The following PAN3 variants were observed in gnomAD, a reference collection of about 807,000 sequenced individuals.
PAN3 encodes the protein PAN2-PAN3 deadenylation complex subunit PAN3.
Under a neutral mutation model 96.2 loss-of-function variants are expected in PAN3, and 19 were observed. That is an observed-to-expected ratio of 0.20 (90% confidence interval 0.14 to 0.29). PAN3 has a LOEUF of 0.29. Among genes scored for constraint, PAN3 ranks in the 10% least tolerant of loss-of-function variants. PAN3 has a pLI of 1.00. For synonymous variants in PAN3, 433 were observed against 406.6 expected (o/e 1.06, Z -0.78); for missense variants, 882 against 1,108.1 (o/e 0.80, Z 2.90).
At chr13:28,139,225 C>G (rs533266359) in intron 1 of PAN3, 138 bp downstream of exon 1, 2 of 1,018,648 alleles carry the variant, frequency 2.0e-6, no homozygotes. Flanking sequence ...GAGGCCTAGG[C>G]CGGGCCTGAG....
intron 4 of PAN3, among the ~76,000 whole-genome samples, chr13:28,189,813 A>C (rs1417594534): frequency 2.0e-5 from 3 of 152,172 alleles, no homozygotes; most frequent in Non-Finnish European, 2.9e-5. Context: ...CCGAATCATA[A>C]TCTTTTATTT....
chr13:28,163,051 GT>G (rs879880779), intron 1 of PAN3, among the ~76,000 whole-genome samples: 11 of 147,634 alleles, frequency 7.5e-5, no homozygotes, highest in South Asian at 4.4e-4. Flanking sequence ...AGCCCAGGAA[GT>G]TTTTTTTTTG....
chr13:28,236,499 A>T (rs1173944032), intron 6 of PAN3, among the ~76,000 whole-genome samples: 1 of 152,180 alleles, frequency 6.6e-6, no homozygotes, highest in African/African-American at 2.4e-5. Context: ...ATTTTATCTG[A>T]TTTGAATGAG....
Position 28,293,385 on chromosome 13 carries a change from T to TG in PAN3, c.*865dup, listed in dbSNP as rs1203847945. The TG allele has an allele frequency of 1.5e-4, 20 of 129,482 alleles. 1 individual carries two copies. Among genetic ancestry groups the TG allele is most frequent in the African/African-American group, 5.2e-4 (18 of 34,460 alleles). 8.0% of individuals were successfully genotyped at this position (129,482 alleles called of 1,614,324 possible). ...TTACTTTAGGTTCTTTCCAGTTTGC[T>TG]GGTTTTTTTTTTTTTTTTTTTTTTT... On this transcript the variant is annotated 3_prime_UTR_variant, in exon 19 of 19. Transcript: ENST00000380958.
chr13:28,228,470 A>T (rs780048763), intron 6 of PAN3, among the ~76,000 whole-genome samples: 2 of 152,150 alleles, frequency 1.3e-5, no homozygotes, highest in Admixed American at 1.3e-4. Context: ...TTATGGTAAT[A>T]ATGTTTAGTT....
At chr13:28,256,058 C>G (rs1446136190) in intron 6 of PAN3, among the ~76,000 whole-genome samples, 1 of 152,044 alleles carries the variant, frequency 6.6e-6, no homozygotes. Flanking sequence ...ACTATTCTTG[C>G]AGTAAATCTG....
chr13:28,143,108 G>GTT (rs1158617246), intron 1 of PAN3, among the ~76,000 whole-genome samples: 1 of 151,386 alleles, frequency 6.6e-6, no homozygotes, highest in African/African-American at 2.4e-5. Context: ...TTTTGTTTTT[G>GTT]TTTTTGTTTT....
rs1869129259 is a variant in PAN3 at position 28,138,690 on chromosome 13, G to GGCC, written c.40_42dup (p.Ala14dup). ...GTGGCGGCGGCCTCCCGCCCCCCTC[G>GGCC]GCCGCCGCCTCCCCTTCCTCCTCCT... On this transcript the variant is annotated inframe_insertion, in exon 1 of 19. Coordinates refer to ENST00000380958, the MANE Select transcript of PAN3 (RefSeq NM_175854.8). 2.0e-6 allele frequency: 2 copies of GGCC among 1,013,552 alleles called. No individual in the cohort carries two copies. Among genetic ancestry groups the GGCC allele is most frequent in the Non-Finnish European group, 2.6e-6 (2 of 765,012 alleles). The allele number at this position is 1,013,552 out of a possible 1,614,324, so 62.8% of individuals were successfully genotyped here. A position where few individuals can be genotyped will look rare whatever the true frequency, so the allele number is the denominator to read the frequency against.
At chr13:28,172,968 A>G (rs181368598) in intron 1 of PAN3, among the ~76,000 whole-genome samples, 3 of 152,330 alleles carry the variant, frequency 2.0e-5, no homozygotes, top group South Asian at 2.1e-4. Flanking sequence ...GTTGCCCTCA[A>G]TATATCCTCT....
chr13:28,258,910 T>C (rs1885442219), intron 7 of PAN3, among the ~76,000 whole-genome samples: 1 of 152,232 alleles, frequency 6.6e-6, no homozygotes. Context: ...GCTTTGTGAA[T>C]AGTTGTTATA....
intron 4 of PAN3, among the ~76,000 whole-genome samples, chr13:28,178,322 TAC>T (rs1173954855): frequency 1.3e-5 from 2 of 152,160 alleles, no homozygotes; most frequent in Non-Finnish European, 2.9e-5. Flanking sequence ...TTCCCTAATT[TAC>T]TCCTGATTAC....
At chr13:28,144,066 T>A (rs1448183435) in intron 1 of PAN3, among the ~76,000 whole-genome samples, 1 of 152,116 alleles carries the variant, frequency 6.6e-6, no homozygotes, top group Non-Finnish European at 1.5e-5. Flanking sequence ...TCATTTAATA[T>A]CCTGCTTCCA....
intron 6 of PAN3, among the ~76,000 whole-genome samples, chr13:28,225,000 T>C (rs1881849475): frequency 6.6e-6 from 1 of 152,184 alleles, no homozygotes; most frequent in African/African-American, 2.4e-5. Context: ...ATTAGCATTA[T>C]TAAATAATTG....
chr13:28,226,186 G>A (rs77335017), intron 6 of PAN3, among the ~76,000 whole-genome samples: 506 of 152,230 alleles, frequency 3.3e-3, no homozygotes, highest in South Asian at 6.0e-3. Flanking sequence ...CTCCATAAGC[G>A]ATTGCTTTAG....
At chr13:28,204,110 G>C (rs1269935181) in intron 5 of PAN3, among the ~76,000 whole-genome samples, 1 of 152,084 alleles carries the variant, frequency 6.6e-6, no homozygotes, top group Admixed American at 6.5e-5. Flanking sequence ...CGCCCGACCA[G>C]CTTCTCTGTT....
At chr13:28,268,789 A>AT (rs1409148738) in intron 12 of PAN3, among the ~76,000 whole-genome samples, 1 of 152,090 alleles carries the variant, frequency 6.6e-6, no homozygotes, top group Non-Finnish European at 1.5e-5. Context: ...ACAAAAATAT[A>AT]TTACTTCTGT....
intron 17 of PAN3, among the ~76,000 whole-genome samples, chr13:28,281,969 C>T (rs1887508946): frequency 6.6e-6 from 1 of 152,092 alleles, no homozygotes; most frequent in Non-Finnish European, 1.5e-5. Flanking sequence ...TAGGGTTTCA[C>T]CATGTTGGCC....
chr13:28,204,412 A>T (rs1879107429), intron 5 of PAN3, among the ~76,000 whole-genome samples: 1 of 152,166 alleles, frequency 6.6e-6, no homozygotes, highest in South Asian at 2.1e-4. Flanking sequence ...TGTTGTGAGG[A>T]TTCAAATTTC....
intron 5 of PAN3, among the ~76,000 whole-genome samples, chr13:28,213,123 G>A (rs1349721711): frequency 1.3e-5 from 2 of 151,834 alleles, no homozygotes; most frequent in Non-Finnish European, 2.9e-5. Context: ...ATCATGGACC[G>A]GGGGAAGAAA....
Sources: allele counts gnomAD v4.1 joint callset (sites outside exome capture counted in the v4.1 genomes callset), GRCh38; gene constraint gnomAD v4.1.1; transcripts MANE v1.5; gene names NCBI Gene and HGNC (gene_info 2026-07-23, HGNC 2026-07-21).